The following LARP1 variants were observed in gnomAD, a reference collection of about 807,000 sequenced individuals.
The protein encoded by LARP1 is la-related protein 1.
Under a neutral mutation model 122.7 loss-of-function variants are expected in LARP1, and 36 were observed. The ratio of observed to expected loss-of-function variants is 0.29; its 90% CI spans 0.22 to 0.39. The LOEUF is 0.39. Among genes scored for constraint, LARP1 ranks in the 10% least tolerant of loss-of-function variants. LARP1 has a pLI of 1.00. For missense variants in LARP1, 1,040 were observed against 1,403.6 expected (o/e 0.74, Z 4.14); for synonymous variants, 539 against 528.7 (o/e 1.02, Z -0.27).
chr5:154,723,318 TG>T (rs1755998163), intron 1 of LARP1, among the ~76,000 whole-genome samples: 1 of 152,200 alleles, frequency 6.6e-6, no homozygotes, highest in Non-Finnish European at 1.5e-5. Flanking sequence ...ATAGAACCCT[TG>T]GGCCATAAGT....
intron 14 of LARP1, chr5:154,804,751 A>G (rs1191637885): frequency 2.2e-6 from 1 of 456,286 alleles, no homozygotes; most frequent in Admixed American, 2.3e-5. Context: ...GGTAGGGCCC[A>G]CACTCTTTTT....
rs1759284446 is a variant in LARP1, at chr5:154,811,653, C to CT, written c.3081+16dup. ...CTTCCGAGTAGATGTAAGTGAAACT[C>CT]TTTCTCTAACTCTGCTTGTCCTGGA... On this transcript the variant is annotated intron_variant, in intron 18 of 18. Coordinates refer to ENST00000518297, the MANE Select transcript of LARP1 (RefSeq NM_033551.3). 2 of 1,613,930 alleles carry CT rather than the reference C, an allele frequency of 1.2e-6. No homozygotes were observed. The highest frequency in any genetic ancestry group is 1.3e-5 in the African/African-American group (1 of 74,926).
chr5:154,762,044 C>T (rs764469310), intron 1 of LARP1, among the ~76,000 whole-genome samples: 1 of 152,084 alleles, frequency 6.6e-6, no homozygotes, highest in East Asian at 1.9e-4. Flanking sequence ...GTTTTAAGAC[C>T]AATCTGGCCA....
chr5:154,761,191 T>G lies in LARP1; in HGVS notation c.436+4998T>G, dbSNP rs1041452772. 3.3e-5 allele frequency among the ~76,000 whole-genome samples: 5 copies of G among 152,342 alleles called. No individual in the cohort carries two copies. The East Asian group carries it at 7.7e-4, about 24-fold the overall frequency. ...GCAGCTTTCATCGGGAGCCTTCAGC[T>G]GGCCTGGCCCCTTTCCTTTTGCACA... On this transcript the variant is annotated intron_variant, in intron 1 of 18. Transcript: ENST00000518297.
intron 1 of LARP1, among the ~76,000 whole-genome samples, chr5:154,781,418 C>T (rs190995294): frequency 6.7e-4 from 102 of 152,236 alleles, no homozygotes; most frequent in African/African-American, 2.3e-3. Flanking sequence ...TGGTGAAACC[C>T]TGTCTCTACT....
intron 1 of LARP1, among the ~76,000 whole-genome samples, chr5:154,690,276 G>A (rs981606960): frequency 6.6e-6 from 1 of 152,094 alleles, no homozygotes; most frequent in African/African-American, 2.4e-5. Flanking sequence ...GTTAATTTGG[G>A]TGGACTTCAT....
chr5:154,725,807 G>C (rs915855221), intron 1 of LARP1, among the ~76,000 whole-genome samples: 1 of 152,152 alleles, frequency 6.6e-6, no homozygotes, highest in African/African-American at 2.4e-5. Context: ...GATCTACCAA[G>C]AAGGAGTGTC....
intron 15 of LARP1, among the ~76,000 whole-genome samples, chr5:154,806,317 G>A (rs1248823785): frequency 6.6e-6 from 1 of 152,136 alleles, no homozygotes; most frequent in Non-Finnish European, 1.5e-5. Flanking sequence ...CAAGATTACT[G>A]ACTCAGCCAT....
At chr5:154,795,884 A>T (rs1479091463) in intron 8 of LARP1, among the ~76,000 whole-genome samples, 2 of 127,910 alleles carry the variant, frequency 1.6e-5, no homozygotes, top group Non-Finnish European at 3.1e-5. Context: ...TAAAATATAC[A>T]TTTATATATA....
chr5:154,780,485 G>A (rs1439169788), intron 1 of LARP1, among the ~76,000 whole-genome samples: 1 of 152,310 alleles, frequency 6.6e-6, no homozygotes, highest in South Asian at 2.1e-4. Flanking sequence ...AGTGTATTTT[G>A]TTGAGGAGCA....
intron 4 of LARP1, among the ~76,000 whole-genome samples, chr5:154,793,214 C>G (rs1757473021): frequency 6.6e-6 from 1 of 152,062 alleles, no homozygotes; most frequent in African/African-American, 2.4e-5. Context: ...GAAGGGTGGC[C>G]CCTTTCCTTT....
intron 18 of LARP1, 98 bp from the exon 19 acceptor site, chr5:154,813,789 A>G: frequency 1.1e-6 from 1 of 939,704 alleles, no homozygotes; most frequent in African/African-American, 1.6e-5. Context: ...CATTTTCTAT[A>G]TTTGGAGGTA....
At chr5:154,789,940 T>G (rs540321348) in intron 1 of LARP1, among the ~76,000 whole-genome samples, 1 of 152,328 alleles carries the variant, frequency 6.6e-6, no homozygotes, top group South Asian at 2.1e-4. Flanking sequence ...AGAAATGATC[T>G]ATCAGACATC....
intron 3 of LARP1, 120 bp downstream of exon 3, chr5:154,790,830 T>C (rs767219612): frequency 1.7e-5 from 16 of 931,634 alleles, no homozygotes; most frequent in South Asian, 7.7e-5. Flanking sequence ...TTCTTTTTTT[T>C]CCCCCCAACA....
chr5:154,765,160 C>T (rs1202081322), intron 1 of LARP1, among the ~76,000 whole-genome samples: 1 of 152,268 alleles, frequency 6.6e-6, no homozygotes, highest in Admixed American at 6.5e-5. Flanking sequence ...CTGACCTCAT[C>T]TTTCATCACT....
chr5:154,793,644 G>T lies in LARP1; in HGVS notation c.789G>T (p.Val263=). 1.9e-6 allele frequency: 3 copies of T among 1,614,168 alleles called. No homozygotes were observed. Among genetic ancestry groups the T allele is most frequent in the Non-Finnish European group, 2.5e-6 (3 of 1,180,034 alleles). Residue 263 remains valine, a synonymous_variant, in exon 5 of 19, where the codon GTG becomes GTT. Transcript: ENST00000518297. ...TACAAATAGACATGAAGCCTGAAGT[G>T]CCCAGAGAGAAACTGGCTTCACGCC... ...VPLQIDMKPE[V]PREKLASRPT...
chr5:154,715,121 A>C (rs546828353), intron 1 of LARP1, among the ~76,000 whole-genome samples: 1 of 150,986 alleles, frequency 6.6e-6, no homozygotes, highest in South Asian at 2.1e-4. Flanking sequence ...CAGAGGTTGC[A>C]GTGAGCCGAG....
At chr5:154,766,183 C>A (rs1456958698) in intron 1 of LARP1, among the ~76,000 whole-genome samples, 2 of 152,200 alleles carry the variant, frequency 1.3e-5, no homozygotes, top group Non-Finnish European at 2.9e-5. Context: ...GGTAAGCAGT[C>A]CTGCCTTGTA....
At chr5:154,708,119 CT>C (rs1294676385), upstream of LARP1, among the ~76,000 whole-genome samples, 1 of 152,200 alleles carries the variant, frequency 6.6e-6, no homozygotes, top group Non-Finnish European at 1.5e-5. Context: ...TGCTCAAACT[CT>C]TTTGAAAGCT....
Sources: allele counts gnomAD v4.1 joint callset (sites outside exome capture counted in the v4.1 genomes callset), GRCh38; gene constraint gnomAD v4.1.1; transcripts MANE v1.5; gene names NCBI Gene and HGNC (gene_info 2026-07-23, HGNC 2026-07-21).